Variants in ASNS observed in about 807,000 individuals in gnomAD.
ASNS encodes the protein asparagine synthetase (glutamine-hydrolyzing).
Under a neutral mutation model 62.6 loss-of-function variants are expected in ASNS, and 37 were observed. The ratio of observed to expected loss-of-function variants is 0.59; its 90% confidence interval spans 0.45 to 0.78. ASNS has a LOEUF of 0.78. Ranked by LOEUF, ASNS falls within the 30% of genes least tolerant of loss-of-function variation. ASNS has a pLI of 0.00. For missense variants in ASNS, 520 were observed against 682.4 expected (o/e 0.76, Z 2.65); for synonymous variants, 207 against 237.9 (o/e 0.87, Z 1.19).
At chr7:97,888,339 T>C in the ASNS span, among the ~76,000 whole-genome samples, 2 of 151,768 alleles carry the variant, frequency 1.3e-5, no homozygotes, top group Non-Finnish European at 2.9e-5. Flanking sequence ...TTTTTTTTTT[T>C]TTTTTAAGAA....
At chr7:97,858,197 C>A in intron 7 of ASNS, 81 bp downstream of exon 7, 2 of 1,531,214 alleles carry the variant, frequency 1.3e-6, no homozygotes, top group South Asian at 1.2e-5. Context: ...GCAGTAGAAT[C>A]ACCCATTATT....
chr7:97,891,564 TA>T, the ASNS span, among the ~76,000 whole-genome samples: 2 of 152,214 alleles, frequency 1.3e-5, no homozygotes, highest in Non-Finnish European at 2.9e-5. Flanking sequence ...ACAAGTTAGT[TA>T]CTTCCTAGAT....
At chr7:97,855,263 ACT>A (rs1791378077) in intron 9 of ASNS, 88 bp downstream of exon 9, 3 of 899,934 alleles carry the variant, frequency 3.3e-6, no homozygotes, top group Non-Finnish European at 5.2e-6. Context: ...CAAAAATATC[ACT>A]GTCATACTGA....
the ASNS span, among the ~76,000 whole-genome samples, chr7:97,900,742 G>A: frequency 6.6e-6 from 1 of 152,120 alleles, no homozygotes; most frequent in Non-Finnish European, 1.5e-5. Flanking sequence ...TCCAATCGTG[G>A]AGGAAGAAGT....
chr7:97,894,213 C>T, the ASNS span, among the ~76,000 whole-genome samples: 1 of 151,658 alleles, frequency 6.6e-6, no homozygotes, highest in Non-Finnish European at 1.5e-5. Flanking sequence ...TGGGATACAA[C>T]AAAAGCAGTA....
rs574803760 is a variant in ASNS at position 97,851,948 on chromosome 7, C to T, written c.*311G>A. The stretch of plus-strand genomic sequence containing the variant: ...AGGCAAGGACTGGAAGGAAGCCACA[C>T]GGGCACAAGATGCAAATGTCATCTA... On this transcript the variant is annotated 3_prime_UTR_variant, in exon 13 of 13. Coordinates refer to ENST00000394308, the MANE Select transcript of ASNS (RefSeq NM_001673.5). 1.8e-4 allele frequency: 60 copies of T among 342,110 alleles called. No homozygotes were observed. Among genetic ancestry groups the T allele is most frequent in the African/African-American group, 3.1e-4 (15 of 47,690 alleles). The allele number at this position is 342,110 out of a possible 1,614,324, so 21.2% of individuals were successfully genotyped here. A position where few individuals can be genotyped will look rare whatever the true frequency, so the allele number is the denominator to read the frequency against.
rs771595135 is a variant in ASNS, at chr7:97,852,370, A to G, written c.1575T>C (p.His525=). Residue 525 remains histidine (H), a synonymous_variant, in exon 13 of 13, where the codon CAT becomes CAC. Transcript: ENST00000394308. ...GYYYRQVFER[H]YPGRADWLSH... is the part of the protein sequence containing the mutation. Reference sequence around the variant, plus strand: ...TCAGCCAGTCAGCCCGGCCTGGGTAATGGCGTTCAAAGACTTGACGGTAGT... The same window carrying G: ...TCAGCCAGTCAGCCCGGCCTGGGTAGTGGCGTTCAAAGACTTGACGGTAGT... 5 of 1,614,178 alleles carry G rather than the reference A, an allele frequency of 3.1e-6. No individual in the cohort carries two copies. The South Asian group carries it at 5.5e-5, about 18-fold the overall frequency.
At chr7:97,853,489 A>G (rs1791285981) in intron 10 of ASNS, 103 bp from the exon 11 acceptor site, 2 of 971,442 alleles carry the variant, frequency 2.1e-6, no homozygotes, top group Non-Finnish European at 3.1e-6. Flanking sequence ...ATCTTAAGAA[A>G]TGTTAAGGTC....
the ASNS span, among the ~76,000 whole-genome samples, chr7:97,922,652 G>A: frequency 1.8e-4 from 27 of 152,092 alleles, no homozygotes; most frequent in Non-Finnish European, 2.8e-4. Context: ...ATTTTGTAAC[G>A]TATACATACT....
upstream of ASNS, among the ~76,000 whole-genome samples, chr7:97,873,357 A>G (rs1156599180): frequency 1.3e-5 from 2 of 152,260 alleles, no homozygotes; most frequent in Non-Finnish European, 2.9e-5. Context: ...ATCAGACTAC[A>G]GTCAATGCTT....
At chr7:97,856,621 T>A (rs1241068250) in intron 8 of ASNS, 69 bp downstream of exon 8, 1 of 1,351,218 alleles carries the variant, frequency 7.4e-7, no homozygotes. Context: ...TTGAAATAAT[T>A]TTTTTAAACC....
chr7:97,917,846 G>A, the ASNS span, among the ~76,000 whole-genome samples: 2 of 152,246 alleles, frequency 1.3e-5, no homozygotes, highest in South Asian at 2.1e-4. Flanking sequence ...CGTGCTGACT[G>A]CGCACAAGGC....
intron 3 of ASNS, among the ~76,000 whole-genome samples, chr7:97,868,520 T>TGTGTGTGTGG (rs1491569848): frequency 6.6e-5 from 2 of 30,312 alleles, no homozygotes; most frequent in Non-Finnish European, 1.0e-4. Flanking sequence ...AGCAAAAACA[T>TGTGTGTGTGG]GTGTGTGTGT....
At chr7:97,901,273 G>A in the ASNS span, among the ~76,000 whole-genome samples, 2 of 152,130 alleles carry the variant, frequency 1.3e-5, no homozygotes, top group African/African-American at 4.8e-5. Context: ...TCAGCTCACT[G>A]CAACATCTGC....
At chr7:97,890,499 A>G in the ASNS span, among the ~76,000 whole-genome samples, 6 of 152,206 alleles carry the variant, frequency 3.9e-5, no homozygotes, top group Non-Finnish European at 7.3e-5. Context: ...GAAACCTTAC[A>G]GGCTAGGAGA....
chr7:97,867,238 T>C (rs1210465000), intron 3 of ASNS, among the ~76,000 whole-genome samples: 9 of 145,264 alleles, frequency 6.2e-5, no homozygotes, highest in Non-Finnish European at 4.6e-5. Flanking sequence ...TTCAGTCTCC[T>C]TCTACTCCCA....
the ASNS span, among the ~76,000 whole-genome samples, chr7:97,893,789 A>G: frequency 6.6e-6 from 1 of 152,246 alleles, no homozygotes; most frequent in Non-Finnish European, 1.5e-5. Flanking sequence ...GAGAACTTCA[A>G]TATCCTACTC....
At chr7:97,896,844 A>G in the ASNS span, among the ~76,000 whole-genome samples, 1 of 146,120 alleles carries the variant, frequency 6.8e-6, no homozygotes, top group East Asian at 2.0e-4. Flanking sequence ...AACAGACTAA[A>G]GAATCCAGAA....
At chr7:97,924,654 G>A in the ASNS span, among the ~76,000 whole-genome samples, 1 of 152,192 alleles carries the variant, frequency 6.6e-6, no homozygotes. Context: ...CTGAGAACCA[G>A]GGGGATGTGG....
Sources: allele counts gnomAD v4.1 joint callset (sites outside exome capture counted in the v4.1 genomes callset), GRCh38; gene constraint gnomAD v4.1.1; transcripts MANE v1.5; gene names NCBI Gene and HGNC (gene_info 2026-07-23, HGNC 2026-07-21).